The following ZNF385D variants were observed in gnomAD, a reference collection of about 807,000 sequenced individuals.
ZNF385D encodes zinc finger protein 385D.
In ZNF385D, 15 loss-of-function variants were observed where a neutral mutation model predicts 35.8. That is an observed-to-expected ratio of 0.42 (90% CI 0.28 to 0.64). The LOEUF is 0.64. Among genes scored for constraint, ZNF385D ranks in the 30% least tolerant of loss-of-function variants. The pLI is 0.23. For synonymous variants in ZNF385D, 212 were observed against 186.8 expected (o/e 1.13, Z -1.10); for missense variants, 474 against 494.6 (o/e 0.96, Z 0.39).
chr3:21,517,079 C>G (rs1394246499), intron 3 of ZNF385D, among the ~76,000 whole-genome samples: 1 of 100,344 alleles, frequency 1.0e-5, no homozygotes, highest in Non-Finnish European at 2.3e-5. Context: ...GGAAAAAAAG[C>G]TTAAAATTTT....
chr3:22,312,731 T>A (rs1703638803), intron 2 of ZNF385D, among the ~76,000 whole-genome samples: 1 of 149,968 alleles, frequency 6.7e-6, no homozygotes, highest in African/African-American at 2.5e-5. Context: ...AGAATGGCAA[T>A]CATTAAAAAG....
chr3:22,305,754 G>A (rs941555730), intron 2 of ZNF385D, among the ~76,000 whole-genome samples: 1 of 152,142 alleles, frequency 6.6e-6, no homozygotes, highest in African/African-American at 2.4e-5. Flanking sequence ...CTCAGTAAAA[G>A]TAGAGAACTA....
chr3:22,034,064 T>C (rs147617847), intron 3 of ZNF385D, among the ~76,000 whole-genome samples: 1 of 152,298 alleles, frequency 6.6e-6, no homozygotes, highest in East Asian at 1.9e-4. Flanking sequence ...TGGTTAACCA[T>C]CTTATCAGGA....
intron 3 of ZNF385D, among the ~76,000 whole-genome samples, chr3:22,128,140 T>G (rs1002425010): frequency 6.6e-6 from 1 of 152,214 alleles, no homozygotes; most frequent in Non-Finnish European, 1.5e-5. Flanking sequence ...TTGAAATATA[T>G]TTTTGATGGA....
At chr3:22,107,968 G>T (rs1168247071) in intron 3 of ZNF385D, among the ~76,000 whole-genome samples, 1 of 151,700 alleles carries the variant, frequency 6.6e-6, no homozygotes, top group African/African-American at 2.4e-5. Flanking sequence ...TAATAAAGAG[G>T]CTTCAAGCAG....
intron 2 of ZNF385D, among the ~76,000 whole-genome samples, chr3:22,276,042 G>A (rs1210497249): frequency 6.6e-6 from 1 of 152,088 alleles, no homozygotes; most frequent in Non-Finnish European, 1.5e-5. Context: ...CCAAGATCCT[G>A]CCACTGCACT....
intron 1 of ZNF385D, among the ~76,000 whole-genome samples, chr3:21,712,233 C>T (rs1301333025): frequency 6.6e-6 from 1 of 152,178 alleles, no homozygotes; most frequent in Non-Finnish European, 1.5e-5. Context: ...TCTCTGCAAT[C>T]CTTCTCTCTC....
intron 3 of ZNF385D, among the ~76,000 whole-genome samples, chr3:22,036,967 G>GT (rs1368191700): frequency 1.3e-5 from 2 of 149,506 alleles, no homozygotes; most frequent in Non-Finnish European, 3.0e-5. Context: ...GTGGTGTTTG[G>GT]TTTTTTGTCC....
chr3:22,291,780 T>C (rs1049143942), intron 2 of ZNF385D, among the ~76,000 whole-genome samples: 12 of 152,078 alleles, frequency 7.9e-5, no homozygotes, highest in Non-Finnish European at 1.3e-4. Context: ...AAACAAGTTT[T>C]ACATTCTTAG....
At chr3:22,300,207 G>A (rs1702822255) in intron 2 of ZNF385D, among the ~76,000 whole-genome samples, 1 of 151,920 alleles carries the variant, frequency 6.6e-6, no homozygotes. Flanking sequence ...AATGGGGAAA[G>A]AACAGTCTCA....
At chr3:21,889,269 C>T (rs1043124849) in intron 3 of ZNF385D, among the ~76,000 whole-genome samples, 2 of 152,082 alleles carry the variant, frequency 1.3e-5, no homozygotes, top group Non-Finnish European at 2.9e-5. Flanking sequence ...ACACAGCAGG[C>T]CTAGTATTGC....
At chr3:21,904,543 C>G (rs1264061562) in intron 3 of ZNF385D, among the ~76,000 whole-genome samples, 1 of 152,052 alleles carries the variant, frequency 6.6e-6, no homozygotes, top group African/African-American at 2.4e-5. Flanking sequence ...TTGGCAAAGT[C>G]ACGTCATCTT....
intron 3 of ZNF385D, among the ~76,000 whole-genome samples, chr3:22,098,238 C>A (rs974509269): frequency 1.3e-5 from 2 of 151,962 alleles, no homozygotes; most frequent in East Asian, 3.9e-4. Flanking sequence ...AAATATGTAT[C>A]CATAGCAACT....
intron 4 of ZNF385D, among the ~76,000 whole-genome samples, chr3:21,495,183 A>G (rs988543721): frequency 1.4e-4 from 21 of 152,142 alleles, no homozygotes; most frequent in Non-Finnish European, 2.6e-4. Context: ...CTCGAGTTCC[A>G]TCAGTCAGAC....
At chr3:21,942,229 TA>T (rs1413270425) in intron 3 of ZNF385D, among the ~76,000 whole-genome samples, 9 of 152,224 alleles carry the variant, frequency 5.9e-5, no homozygotes, top group Non-Finnish European at 1.3e-4. Flanking sequence ...GTTATTCACG[TA>T]GTTTGTTTTT....
At chr3:22,139,532 T>G (rs149766303) in intron 3 of ZNF385D, among the ~76,000 whole-genome samples, 6,141 of 150,016 alleles carry the variant, frequency 0.041, 340 homozygotes, top group African/African-American at 0.13. Flanking sequence ...ACCAAACACC[T>G]CATGTTCTCA....
chr3:22,128,933 C>A (rs1703609641), intron 3 of ZNF385D, among the ~76,000 whole-genome samples: 3 of 152,102 alleles, frequency 2.0e-5, no homozygotes, highest in African/African-American at 7.2e-5. Flanking sequence ...CTAATATTTG[C>A]AGTCTAGGCT....
At position 21,437,051 on chromosome 3, in the gene ZNF385D, C is replaced by G; in HGVS notation, c.592G>C (p.Glu198Gln). Residue 198 changes from glutamate to glutamine, a missense_variant, in exon 5 of 8, where the codon GAA (glutamate) becomes CAA (glutamine). By Grantham distance (29) the Glu-to-Gln change is conservative. Transcript: ENST00000281523. ...CAGTAAAGAAGCCGTTTTGCCTTTT[C>G]TTCCTCGGTCTCAGTAGAAGGACAT... ...SSCPSTETEE[E>Q]KAKRLLYCSL... is the part of the protein sequence containing the mutation. 1 of 1,614,024 alleles carries G rather than the reference C, an allele frequency of 6.2e-7. No homozygotes were observed. The highest frequency in any genetic ancestry group is 8.5e-7 in the Non-Finnish European group (1 of 1,179,910).
intron 2 of ZNF385D, among the ~76,000 whole-genome samples, chr3:22,276,515 G>T (rs1701436862): frequency 6.6e-6 from 1 of 152,114 alleles, no homozygotes; most frequent in Non-Finnish European, 1.5e-5. Flanking sequence ...TGCACCTAAA[G>T]GTGCTAAGAC....
Sources: gnomAD v4.1 joint callset for allele counts (sites outside exome capture counted in the v4.1 genomes callset) on GRCh38, gnomAD v4.1.1 for gene constraint, MANE v1.5 for transcripts, NCBI Gene and HGNC (gene_info 2026-07-23, HGNC 2026-07-21) for gene names.